Variants in LRRFIP1 observed in about 807,000 individuals in gnomAD.
LRRFIP1 encodes the protein LRR binding FLII interacting protein 1.
Under a neutral mutation model 104.4 loss-of-function variants are expected in LRRFIP1, and 62 were observed. That is an observed-to-expected ratio of 0.59 (90% CI 0.48 to 0.73). The LOEUF is 0.73. LRRFIP1 is among the 30% of genes least tolerant of loss of function. LRRFIP1 has a pLI of 0.00. For missense variants in LRRFIP1, 796 were observed against 824.5 expected (o/e 0.97, Z 0.42); for synonymous variants, 300 against 299.0 (o/e 1.00, Z -0.03).
intron 1 of LRRFIP1, among the ~76,000 whole-genome samples, chr2:237,645,407 C>G (rs1041299202): frequency 6.7e-6 from 1 of 148,610 alleles, no homozygotes; most frequent in African/African-American, 2.4e-5. Context: ...TCACAAACAC[C>G]TTTGAGTGGT....
chr2:237,721,844 T>C (rs946702325), intron 6 of LRRFIP1: 2 of 152,266 alleles, frequency 1.3e-5, no homozygotes, highest in Admixed American at 6.5e-5. Flanking sequence ...GTGGTTCAAA[T>C]GTGAGGCCCC....
At chr2:237,683,601 A>G (rs1321320174) in intron 1 of LRRFIP1, 3 of 152,240 alleles carry the variant, frequency 2.0e-5, no homozygotes, top group Non-Finnish European at 4.4e-5. Flanking sequence ...GCTTTGAGCT[A>G]TCTCTCAAGG....
chr2:237,627,683 C>A lies in LRRFIP1; in HGVS notation c.39C>A (p.Leu13=), dbSNP rs766670795. 3 of 1,371,800 alleles carry A rather than the reference C, an allele frequency of 2.2e-6. No individual in the cohort carries two copies. In the East Asian group the frequency reaches 1.0e-4, roughly 46 times the overall value. The allele number at this position is 1,371,800 out of a possible 1,614,324, so 85.0% of individuals were successfully genotyped here. A position where few individuals can be genotyped will look rare whatever the true frequency, so the allele number is the denominator to read the frequency against. The change falls in exon 1 of 24, where the codon CTC becomes CTA. Residue 13 remains leucine, a synonymous_variant. Coordinates refer to ENST00000308482, the MANE Select transcript of LRRFIP1 (RefSeq NM_001137550.2). ...MGTQGSGRKR[L]PNRERLTAED... is the part of the protein sequence containing the mutation. ...CCCAGGGATCGGGGCGCAAGCGGCT[C>A]CCCAACCGGGAGCGGCTCACGGCGG...
chr2:237,658,383 G>A (rs144170560), intron 1 of LRRFIP1, among the ~76,000 whole-genome samples: 82 of 152,194 alleles, frequency 5.4e-4, no homozygotes, highest in Middle Eastern at 6.8e-3. Flanking sequence ...CATAATGCAG[G>A]TCCCAATAAA....
intron 1 of LRRFIP1, among the ~76,000 whole-genome samples, chr2:237,693,900 C>T (rs1008099552): frequency 3.9e-5 from 6 of 152,088 alleles, no homozygotes; most frequent in African/African-American, 1.2e-4. Flanking sequence ...GCCTCCTGGG[C>T]GGGTCTGGGT....
intron 19 of LRRFIP1, chr2:237,763,207 C>T: frequency 6.2e-7 from 1 of 1,614,116 alleles, no homozygotes; most frequent in Middle Eastern, 1.7e-4. Flanking sequence ...GTAGGGATCA[C>T]AACGAAGAAG....
intron 1 of LRRFIP1, among the ~76,000 whole-genome samples, chr2:237,634,004 A>C (rs1045556247): frequency 1.2e-4 from 18 of 152,136 alleles, no homozygotes; most frequent in African/African-American, 4.3e-4. Context: ...TTTCATCTTT[A>C]AAAAATTGAT....
At chr2:237,723,189 T>C (rs1399698053) in intron 6 of LRRFIP1, among the ~76,000 whole-genome samples, 1 of 152,222 alleles carries the variant, frequency 6.6e-6, no homozygotes, top group East Asian at 1.9e-4. Context: ...CTGGAAAATC[T>C]AGATTTTTAA....
At chr2:237,668,582 C>A (rs533009283) in intron 1 of LRRFIP1, among the ~76,000 whole-genome samples, 1 of 152,286 alleles carries the variant, frequency 6.6e-6, no homozygotes, top group African/African-American at 2.4e-5. Flanking sequence ...TTGTACCGAG[C>A]TACTGAAGAG....
At chr2:237,706,387 C>T (rs535362828) in intron 1 of LRRFIP1, among the ~76,000 whole-genome samples, 1 of 152,160 alleles carries the variant, frequency 6.6e-6, no homozygotes, top group Admixed American at 6.5e-5. Context: ...CCCGGCCCCT[C>T]CTCTCTGTTC....
At chr2:237,667,697 G>A (rs891692707) in intron 1 of LRRFIP1, among the ~76,000 whole-genome samples, 2 of 152,130 alleles carry the variant, frequency 1.3e-5, no homozygotes, top group African/African-American at 4.8e-5. Flanking sequence ...TGGAGCACAC[G>A]TTTGTTCATT....
At chr2:237,673,157 C>T (rs765558715) in intron 1 of LRRFIP1, among the ~76,000 whole-genome samples, 4 of 152,168 alleles carry the variant, frequency 2.6e-5, no homozygotes, top group Non-Finnish European at 5.9e-5. Flanking sequence ...AATACCGTTG[C>T]ATCTTTATAC....
At chr2:237,727,993 G>A in intron 8 of LRRFIP1, 58 bp downstream of exon 8, 1 of 1,280,600 alleles carries the variant, frequency 7.8e-7, no homozygotes, top group Non-Finnish European at 1.1e-6. Flanking sequence ...AAAGCTTCTA[G>A]AACTAAAAAC....
chr2:237,658,620 C>G (rs1438050584), intron 1 of LRRFIP1, among the ~76,000 whole-genome samples: 1 of 152,128 alleles, frequency 6.6e-6, no homozygotes, highest in Non-Finnish European at 1.5e-5. Context: ...CCTCAGGAAA[C>G]TTAAAATCAT....
At chr2:237,674,607 G>A (rs543376340) in intron 1 of LRRFIP1, among the ~76,000 whole-genome samples, 1 of 152,344 alleles carries the variant, frequency 6.6e-6, no homozygotes, top group Non-Finnish European at 1.5e-5. Flanking sequence ...AAGGCCCAGA[G>A]GGATTCTTAA....
rs1398556609 is a variant in LRRFIP1 at position 237,711,179 on chromosome 2, C to A, written c.183+2549C>A. Among the ~76,000 whole-genome samples the A allele has an allele frequency of 6.6e-6, 1 of 152,238 alleles. No homozygotes were observed. Among genetic ancestry groups the A allele is most frequent in the East Asian group, 1.9e-4 (1 of 5,202 alleles). ...AAAAAGGGGTGCAGGGCAGCCCTCA[C>A]TGATGCTTCTGATGAGCACAGGCCT... On this transcript the variant is annotated intron_variant, in intron 2 of 23. Transcript: ENST00000308482. This position sits in a 1 kb window ranked among gnomAD's most constrained non-coding sequence, Gnocchi z 4.4.
chr2:237,727,773 A>G (rs1443316452), intron 7 of LRRFIP1, 103 bp from the exon 8 acceptor site: 1 of 806,240 alleles, frequency 1.2e-6, no homozygotes, highest in Non-Finnish European at 2.1e-6. Context: ...TCCGCTCCAC[A>G]AGAAAGGTCA....
At chr2:237,697,470 T>C (rs2093266682) in intron 1 of LRRFIP1, among the ~76,000 whole-genome samples, 1 of 152,242 alleles carries the variant, frequency 6.6e-6, no homozygotes, top group Non-Finnish European at 1.5e-5. Context: ...TAAGCCTTTT[T>C]ATTTTTCTGG....
intron 1 of LRRFIP1, among the ~76,000 whole-genome samples, chr2:237,637,056 TCAAA>T (rs911538607): frequency 1.3e-5 from 2 of 152,190 alleles, no homozygotes; most frequent in Non-Finnish European, 2.9e-5. Flanking sequence ...TCTACACAGC[TCAAA>T]CAAAGGAACC....
Sources: allele counts gnomAD v4.1 joint callset (sites outside exome capture counted in the v4.1 genomes callset), GRCh38; gene constraint gnomAD v4.1.1; non-coding constraint Gnocchi (gnomAD v3.1); transcripts MANE v1.5; gene names NCBI Gene and HGNC (gene_info 2026-07-23, HGNC 2026-07-21).